FTO: variants seen among roughly 807,000 people sequenced by gnomAD.
FTO encodes the protein FTO alpha-ketoglutarate dependent dioxygenase.
A neutral mutation model predicts 63.9 loss-of-function variants in FTO; 47 were observed. The ratio of observed to expected loss-of-function variants is 0.74; its 90% CI spans 0.58 to 0.94. The LOEUF (loss-of-function observed/expected upper bound fraction) is 0.94. Ranked by LOEUF, FTO falls within the 40% of genes least tolerant of loss-of-function variation. The pLI is 0.00. For missense variants in FTO, 562 were observed against 618.1 expected, an observed-to-expected ratio of 0.91 and a Z score of 0.96; for synonymous variants, 207 against 224.4, an observed-to-expected ratio of 0.92 and a Z score of 0.69.
chr16:53,844,094 A>G, intron 3 of FTO, 61 bp from the exon 4 acceptor site: 2 of 1,334,846 alleles, frequency 1.5e-6, no homozygotes, highest in Admixed American at 1.7e-5. Flanking sequence ...AATAACAATT[A>G]TAAAATTCAG....
rs117550571 is a variant in FTO, at chr16:53,833,727, C to G, written c.751+7236C>G. Reference sequence around the variant, plus strand: ...CGCAAGGGCTCTAATTTCTCCACATCTACGCCAACACTTACTGTTTCCTGT... The same window carrying G: ...CGCAAGGGCTCTAATTTCTCCACATGTACGCCAACACTTACTGTTTCCTGT... On this transcript the variant is annotated intron_variant, in intron 3 of 8. Coordinates refer to ENST00000471389, the MANE Select transcript of FTO (RefSeq NM_001080432.3). Among the ~76,000 whole-genome samples the G allele has an allele frequency of 3.7e-3, 569 of 152,326 alleles. 1 individual carries two copies. The highest frequency in any genetic ancestry group is 6.1e-3 in the Non-Finnish European group (417 of 68,024).
At chr16:53,733,452 C>T (rs550227566) in intron 1 of FTO, among the ~76,000 whole-genome samples, 2 of 152,122 alleles carry the variant, frequency 1.3e-5, no homozygotes, top group Non-Finnish European at 2.9e-5. Flanking sequence ...GAATACAGGG[C>T]GACCTGTACA....
At chr16:53,880,562 G>T (rs1181996304) in intron 6 of FTO, among the ~76,000 whole-genome samples, 2 of 152,124 alleles carry the variant, frequency 1.3e-5, no homozygotes, top group African/African-American at 4.8e-5. Flanking sequence ...GTTCTGGAAG[G>T]TAGCAAGTTC....
At chr16:53,947,246 C>T (rs553507707) in intron 8 of FTO, among the ~76,000 whole-genome samples, 1 of 152,158 alleles carries the variant, frequency 6.6e-6, no homozygotes, top group African/African-American at 2.4e-5. Flanking sequence ...TTCTGCCAAT[C>T]CCTGGTGGTT....
intron 8 of FTO, among the ~76,000 whole-genome samples, chr16:53,939,718 G>A (rs80081849): frequency 4.8e-4 from 73 of 152,152 alleles, no homozygotes; most frequent in Non-Finnish European, 7.1e-4. Context: ...CATACAATAC[G>A]TGACCTTTTA....
At chr16:54,042,101 G>A (rs1236571638) in intron 8 of FTO, among the ~76,000 whole-genome samples, 1 of 152,170 alleles carries the variant, frequency 6.6e-6, no homozygotes, top group Non-Finnish European at 1.5e-5. Context: ...AGATTTGGAG[G>A]AGCCAAGATG....
At chr16:53,909,573 C>CTTT (rs2081631600) in intron 7 of FTO, among the ~76,000 whole-genome samples, 1 of 84,108 alleles carries the variant, frequency 1.2e-5, no homozygotes, top group African/African-American at 5.3e-5. Flanking sequence ...GAGACAGAGC[C>CTTT]TTTTTTTTGA....
At chr16:53,927,198 A>G (rs532607350) in intron 7 of FTO, among the ~76,000 whole-genome samples, 2 of 152,288 alleles carry the variant, frequency 1.3e-5, no homozygotes, top group East Asian at 1.9e-4. Context: ...AACTAAGCCT[A>G]TGGCAGTGGG....
intron 4 of FTO, among the ~76,000 whole-genome samples, chr16:53,848,014 A>G (rs1398831890): frequency 2.0e-5 from 3 of 152,162 alleles, no homozygotes; most frequent in Non-Finnish European, 2.9e-5. Flanking sequence ...ATCCTACTGA[A>G]CTGTGCCAAA....
intron 1 of FTO, among the ~76,000 whole-genome samples, chr16:53,784,616 T>G (rs2077684602): frequency 6.6e-6 from 1 of 152,168 alleles, no homozygotes; most frequent in Non-Finnish European, 1.5e-5. Flanking sequence ...AGACTAAGTT[T>G]AAGTGATTTC....
At chr16:54,050,565 C>T (rs2085287806) in intron 8 of FTO, among the ~76,000 whole-genome samples, 1 of 152,104 alleles carries the variant, frequency 6.6e-6, no homozygotes. Flanking sequence ...GACCAGGAAT[C>T]CTTGCTGCTC....
intron 8 of FTO, among the ~76,000 whole-genome samples, chr16:54,013,662 C>A (rs2084376075): frequency 1.3e-5 from 2 of 152,186 alleles, no homozygotes; most frequent in Admixed American, 6.5e-5. Flanking sequence ...AATCCATCAG[C>A]AGCCATCACT....
At chr16:53,790,078 C>T (rs11647020) in intron 1 of FTO, among the ~76,000 whole-genome samples, 60,848 of 148,386 alleles carry the variant, frequency 0.41, 14,411 homozygotes, top group Middle Eastern at 0.63. Context: ...GTAATATATA[C>T]GTATATATTA....
chr16:53,880,120 G>C, intron 6 of FTO, 133 bp downstream of exon 6: 1 of 677,596 alleles, frequency 1.5e-6, no homozygotes, highest in Non-Finnish European at 2.6e-6. Flanking sequence ...TCAAGCTCCC[G>C]AATAGGTGGG....
chr16:53,961,898 C>T (rs149219030), intron 8 of FTO, among the ~76,000 whole-genome samples: 137 of 152,194 alleles, frequency 9.0e-4, no homozygotes, highest in African/African-American at 3.3e-3. Flanking sequence ...CACCGGGCAC[C>T]TTTGGAATCC....
At chr16:53,929,741 G>A (rs2082235632) in intron 7 of FTO, among the ~76,000 whole-genome samples, 1 of 152,166 alleles carries the variant, frequency 6.6e-6, no homozygotes, top group East Asian at 1.9e-4. Flanking sequence ...AGTGCCTTGG[G>A]GCTTTGAGAA....
chr16:54,095,241 T>A (rs62034137), intron 8 of FTO, among the ~76,000 whole-genome samples: 34,767 of 152,134 alleles, frequency 0.23, 4,861 homozygotes, highest in Middle Eastern at 0.4. Flanking sequence ...AGTCTCACTC[T>A]GTTGCCCAGG....
At chr16:53,897,502 T>C (rs2081304039) in intron 7 of FTO, among the ~76,000 whole-genome samples, 1 of 152,214 alleles carries the variant, frequency 6.6e-6, no homozygotes, top group African/African-American at 2.4e-5. Context: ...AGCCCTCTTA[T>C]TAAATATTAT....
chr16:53,884,999 C>T (rs2080961553), intron 6 of FTO, among the ~76,000 whole-genome samples: 1 of 152,208 alleles, frequency 6.6e-6, no homozygotes, highest in Admixed American at 6.5e-5. Context: ...CTATGAGCAT[C>T]CTTTGGCGGC....
Sources: allele counts gnomAD v4.1 joint callset (sites outside exome capture counted in the v4.1 genomes callset), GRCh38; gene constraint gnomAD v4.1.1; transcripts MANE v1.5; gene names NCBI Gene and HGNC (gene_info 2026-07-23, HGNC 2026-07-21).